The following FBXO11 variants were observed in gnomAD, a reference collection of about 807,000 sequenced individuals.
The protein encoded by FBXO11 is F-box only protein 11.
Under a neutral mutation model 117.0 loss-of-function variants are expected in FBXO11, and 13 were observed. The ratio of observed to expected loss-of-function variants is 0.11; its 90% CI spans 0.07 to 0.18. The LOEUF (loss-of-function observed/expected upper bound fraction) is 0.18. Ranked by LOEUF, FBXO11 falls within the 10% of genes least tolerant of loss-of-function variation. The pLI is 1.00. For synonymous variants in FBXO11, 490 were observed against 380.5 expected (o/e 1.29, Z -3.35); for missense variants, 767 against 1,164.4 (o/e 0.66, Z 4.97).
chr2:47,901,852 A>C (rs1488378849), intron 1 of FBXO11, among the ~76,000 whole-genome samples: 1 of 152,264 alleles, frequency 6.6e-6, no homozygotes, highest in Non-Finnish European at 1.5e-5. Flanking sequence ...AGAATTTTAA[A>C]ACAAAACAAA....
In FBXO11 at chr2:47,858,651, C is replaced by A. The variant is rs538761617; in HGVS notation, c.233-18882G>T. Among the ~76,000 whole-genome samples, 267 of 133,706 alleles carry A rather than the reference C, an allele frequency of 2.0e-3. 1 individual carries two copies. The highest frequency in any genetic ancestry group is 3.4e-3 in the Non-Finnish European group (222 of 64,392). 87.7% of individuals were successfully genotyped at this position (133,706 alleles called of 152,430 possible). On this transcript the variant is annotated intron_variant, in intron 1 of 22. Transcript: ENST00000403359. ...GAGCTGAAATCATGTCATTGCTCTC[C>A]AGCCTGGGCAACAGAGTGAGACTCT...
chr2:47,863,411 T>C (rs1013303203), intron 1 of FBXO11, among the ~76,000 whole-genome samples: 3 of 152,220 alleles, frequency 2.0e-5, no homozygotes, highest in Admixed American at 6.5e-5. Context: ...TTTACATGGC[T>C]CTGAAACAAC....
chr2:47,888,397 C>T (rs961462838), intron 1 of FBXO11, among the ~76,000 whole-genome samples: 1 of 152,136 alleles, frequency 6.6e-6, no homozygotes, highest in Non-Finnish European at 1.5e-5. Flanking sequence ...GACTAATTTA[C>T]CATCTCCAAG....
chr2:47,825,695 A>C (rs1448925483), intron 11 of FBXO11, among the ~76,000 whole-genome samples: 2 of 150,314 alleles, frequency 1.3e-5, no homozygotes. Context: ...TCCCCACTCA[A>C]CCTCCCAAGT....
At chr2:47,814,989 T>C (rs549108783) in intron 16 of FBXO11, among the ~76,000 whole-genome samples, 1 of 152,310 alleles carries the variant, frequency 6.6e-6, no homozygotes, top group Non-Finnish European at 1.5e-5. Flanking sequence ...AGTTTTATCA[T>C]GAGGTTGCAG....
In FBXO11 at chr2:47,905,691, T is replaced by A; in HGVS notation, c.30A>T (p.Arg10Ser). MNSVRAANR[R>S]PRRVSRPRPV... ...GGCGCGGCCGCGACACTCGCCTGGG[T>A]CTCCGGTTGGCGGCTCGGACGGAGT... Residue 10 changes from arginine to serine, a missense_variant, in exon 1 of 23, where the codon AGA becomes AGT. Physicochemically the swap from Arg to Ser is moderately radical, Grantham distance 110 (BLOSUM62 -1). Coordinates refer to ENST00000403359, the MANE Select transcript of FBXO11 (RefSeq NM_001190274.2). The A allele has an allele frequency of 1.3e-6, 2 of 1,516,000 alleles. No individual in the cohort carries two copies. The highest frequency in any genetic ancestry group is 1.8e-6 in the Non-Finnish European group (2 of 1,134,302). The allele number at this position is 1,516,000 out of a possible 1,614,324, so 93.9% of individuals were successfully genotyped here. A position where few individuals can be genotyped will look rare whatever the true frequency, so the allele number is the denominator to read the frequency against.
At chr2:47,843,872 C>G (rs1229829628) in intron 1 of FBXO11, among the ~76,000 whole-genome samples, 3 of 152,094 alleles carry the variant, frequency 2.0e-5, no homozygotes, top group African/African-American at 7.2e-5. Context: ...TTCCGAGTAG[C>G]TGGGATTACA....
chr2:47,899,065 G>A lies in FBXO11; in HGVS notation c.232+6424C>T, dbSNP rs541170578. Among the ~76,000 whole-genome samples the A allele has an allele frequency of 3.9e-5, 6 of 152,142 alleles. No individual in the cohort carries two copies. In the South Asian group the frequency reaches 1.0e-3, roughly 26 times the overall value. On this transcript the variant is annotated intron_variant, in intron 1 of 22. Coordinates refer to ENST00000403359, the MANE Select transcript of FBXO11 (RefSeq NM_001190274.2). ...CGAGGCGGGCGGATCACGAGGTCAG[G>A]AGATCGAGACCATCCTGGCTAACAT...
chr2:47,832,717 G>GCAACATACA (rs1257956880), intron 9 of FBXO11, 39 bp from the exon 10 acceptor site: 1 of 1,606,764 alleles, frequency 6.2e-7, no homozygotes, highest in Non-Finnish European at 8.5e-7. Context: ...AACCTACTGG[G>GCAACATACA]CAACATACAG....
intron 1 of FBXO11, among the ~76,000 whole-genome samples, chr2:47,863,763 G>T (rs1222120610): frequency 6.6e-6 from 1 of 151,986 alleles, no homozygotes; most frequent in Non-Finnish European, 1.5e-5. Context: ...TAACAGGGTG[G>T]AACCACATAT....
At chr2:47,891,632 T>C (rs990557459) in intron 1 of FBXO11, among the ~76,000 whole-genome samples, 1 of 152,242 alleles carries the variant, frequency 6.6e-6, no homozygotes, top group Non-Finnish European at 1.5e-5. Flanking sequence ...TTTGAATAAA[T>C]ACTTGGAAGA....
At chr2:47,867,032 T>C (rs766788583) in intron 1 of FBXO11, among the ~76,000 whole-genome samples, 2 of 152,172 alleles carry the variant, frequency 1.3e-5, no homozygotes, top group African/African-American at 2.4e-5. Context: ...ATAAATAAGC[T>C]ACCTGAAAAC....
chr2:47,845,364 T>G (rs765696145), intron 1 of FBXO11, among the ~76,000 whole-genome samples: 1 of 152,240 alleles, frequency 6.6e-6, no homozygotes, highest in Non-Finnish European at 1.5e-5. Flanking sequence ...TGTCCTGAAG[T>G]GCTCATGAGT....
chr2:47,898,179 G>A (rs1174040073), intron 1 of FBXO11, among the ~76,000 whole-genome samples: 1 of 152,124 alleles, frequency 6.6e-6, no homozygotes, highest in Non-Finnish European at 1.5e-5. Context: ...TTTAAAAAAC[G>A]TTTTAAATGC....
chr2:47,846,400 G>A (rs763156715), intron 1 of FBXO11, among the ~76,000 whole-genome samples: 1 of 152,184 alleles, frequency 6.6e-6, no homozygotes, highest in Non-Finnish European at 1.5e-5. Context: ...CTGGAAGAAG[G>A]CGGCTGCGAT....
intron 1 of FBXO11, among the ~76,000 whole-genome samples, chr2:47,903,675 G>A (rs921348911): frequency 1.1e-4 from 17 of 152,140 alleles, no homozygotes; most frequent in Non-Finnish European, 1.9e-4. Flanking sequence ...TTGATCCAAT[G>A]CTAATATTAT....
chr2:47,818,767 G>T lies in FBXO11; in HGVS notation c.2006+12C>A. ...TCCCTCCCAAAAGATAGCCAAATATGAAAACATTTACCTTATCTGAACCCC... is the reference window on the plus strand; with the variant it reads ...TCCCTCCCAAAAGATAGCCAAATATTAAAACATTTACCTTATCTGAACCCC... On this transcript the variant is annotated intron_variant, in intron 16 of 22. Transcript: ENST00000403359. 6.4e-7 allele frequency: 1 copy of T among 1,560,806 alleles called. No individual in the cohort carries two copies. The highest frequency in any genetic ancestry group is 8.6e-7 in the Non-Finnish European group (1 of 1,160,184).
Position 47,834,569 on chromosome 2 carries a change from T to C in FBXO11, c.934+10A>G, listed in dbSNP as rs749106154. The C allele has an allele frequency of 8.5e-6, 13 of 1,533,026 alleles. No homozygotes were observed. In the South Asian group the frequency reaches 1.7e-4, roughly 20 times the overall value. 95.0% of individuals were successfully genotyped at this position (1,533,026 alleles called of 1,614,324 possible). A position where few individuals can be genotyped will look rare whatever the true frequency, so the allele number is the denominator to read the frequency against. On this transcript the variant is annotated intron_variant, in intron 7 of 22. Coordinates refer to ENST00000403359, the MANE Select transcript of FBXO11 (RefSeq NM_001190274.2). ...TATTAAAATTTTAATGACAATGCAT[T>C]TCAAAATACCTGCACCAATCATGGT...
At chr2:47,897,366 G>A (rs1482519690) in intron 1 of FBXO11, among the ~76,000 whole-genome samples, 3 of 152,142 alleles carry the variant, frequency 2.0e-5, no homozygotes, top group Non-Finnish European at 4.4e-5. Flanking sequence ...AATATCAAAG[G>A]TTAAACCCAC....
Sources: gnomAD v4.1 joint callset for allele counts (sites outside exome capture counted in the v4.1 genomes callset) on GRCh38, gnomAD v4.1.1 for gene constraint, MANE v1.5 for transcripts, NCBI Gene and HGNC (gene_info 2026-07-23, HGNC 2026-07-21) for gene names.